CDK8: variants seen among roughly 807,000 people sequenced by gnomAD.
CDK8 encodes the protein cyclin-dependent kinase 8.
A neutral mutation model predicts 71.5 loss-of-function variants in CDK8; 29 were observed. The observed-to-expected ratio is 0.41, with a 90% CI of 0.30 to 0.55. CDK8 has a LOEUF of 0.55. CDK8 is among the 20% of genes least tolerant of loss of function. CDK8 has a pLI of 0.37. For synonymous variants in CDK8, 161 were observed against 192.1 expected, an observed-to-expected ratio of 0.84 and a Z score of 1.34; for missense variants, 288 against 572.6, an observed-to-expected ratio of 0.50 and a Z score of 5.07.
At chr13:26,397,886 A>C (rs992087364) in intron 9 of CDK8, among the ~76,000 whole-genome samples, 8 of 152,136 alleles carry the variant, frequency 5.3e-5, no homozygotes, top group Non-Finnish European at 1.0e-4. Context: ...TTTTTGTTTT[A>C]GAAAAAGGTT....
chr13:26,262,862 A>G (rs1025855712), intron 1 of CDK8, among the ~76,000 whole-genome samples: 4 of 152,218 alleles, frequency 2.6e-5, no homozygotes, highest in African/African-American at 9.7e-5. Flanking sequence ...ACTAACTTCT[A>G]TTCAAGGTAA....
At chr13:26,294,967 C>A (rs1305535034) in intron 1 of CDK8, among the ~76,000 whole-genome samples, 1 of 152,116 alleles carries the variant, frequency 6.6e-6, no homozygotes, top group Non-Finnish European at 1.5e-5. Flanking sequence ...CCAGGATGAT[C>A]TCGATCCCTT....
chr13:26,394,024 G>A (rs1875874503), intron 7 of CDK8, among the ~76,000 whole-genome samples: 1 of 152,140 alleles, frequency 6.6e-6, no homozygotes, highest in Non-Finnish European at 1.5e-5. Flanking sequence ...GAGAGTCATA[G>A]TACCCTATGG....
intron 1 of CDK8, among the ~76,000 whole-genome samples, chr13:26,261,480 GC>G (rs567039873): frequency 1.0e-3 from 159 of 152,172 alleles, no homozygotes; most frequent in African/African-American, 3.6e-3. Flanking sequence ...TCTCTCCCCA[GC>G]CGTTGACAAG....
Position 26,404,100 on chromosome 13 carries a change from C to A in CDK8, c.*19C>A. 1.2e-6 allele frequency: 2 copies of A among 1,613,122 alleles called. No homozygotes were observed. The highest frequency in any genetic ancestry group is 1.1e-5 in the South Asian group (1 of 90,974). ...GTACTGAGCTGCATCGGAATCTTGTCCATGCACTGTTGCGAATGCTGCAGG... is the reference window on the plus strand; with the variant it reads ...GTACTGAGCTGCATCGGAATCTTGTACATGCACTGTTGCGAATGCTGCAGG... On this transcript the variant is annotated 3_prime_UTR_variant, in exon 13 of 13. Coordinates refer to ENST00000381527, the MANE Select transcript of CDK8 (RefSeq NM_001260.3).
At chr13:26,287,236 C>A (rs1873065647) in intron 1 of CDK8, among the ~76,000 whole-genome samples, 1 of 152,140 alleles carries the variant, frequency 6.6e-6, no homozygotes, top group Non-Finnish European at 1.5e-5. Flanking sequence ...AAATGGAGCC[C>A]ACTTAAATGC....
intron 1 of CDK8, among the ~76,000 whole-genome samples, chr13:26,307,290 C>T (rs1448123110): frequency 6.6e-6 from 1 of 152,030 alleles, no homozygotes; most frequent in Non-Finnish European, 1.5e-5. Context: ...TAGATTGGCT[C>T]TACATAATCA....
At chr13:26,349,803 A>G (rs1873612342) in intron 3 of CDK8, among the ~76,000 whole-genome samples, 1 of 152,218 alleles carries the variant, frequency 6.6e-6, no homozygotes, top group African/African-American at 2.4e-5. Flanking sequence ...ACTATTCACA[A>G]TTGAATTTAA....
At chr13:26,315,904 C>A (rs7982229) in intron 1 of CDK8, among the ~76,000 whole-genome samples, 61,888 of 151,982 alleles carry the variant, frequency 0.41, 14,305 homozygotes, top group Non-Finnish European at 0.52. Context: ...TCCTGTGTAA[C>A]ATATATTTTG....
At chr13:26,313,651 A>G (rs1332897511) in intron 1 of CDK8, among the ~76,000 whole-genome samples, 1 of 152,194 alleles carries the variant, frequency 6.6e-6, no homozygotes, top group Non-Finnish European at 1.5e-5. Context: ...TCCAAAGTGT[A>G]TGTTAATAGT....
At chr13:26,381,889 A>G (rs945302815) in intron 4 of CDK8, among the ~76,000 whole-genome samples, 2 of 152,194 alleles carry the variant, frequency 1.3e-5, no homozygotes, top group African/African-American at 4.8e-5. Context: ...TTACCACTAT[A>G]AACAGGCTTC....
Position 26,322,875 on chromosome 13 carries a change from G to A in CDK8, c.129-14692G>A, listed in dbSNP as rs144398507. On this transcript the variant is annotated intron_variant, in intron 1 of 12. Coordinates refer to ENST00000381527, the MANE Select transcript of CDK8 (RefSeq NM_001260.3). ...TATGTAATTCAACTGAAATTTTGTCGATTTTATATATCTTTGGCATTTGCC... is the reference window on the plus strand; with the variant it reads ...TATGTAATTCAACTGAAATTTTGTCAATTTTATATATCTTTGGCATTTGCC... Among the ~76,000 whole-genome samples the A allele has an allele frequency of 2.2e-4, 33 of 152,130 alleles. No individual in the cohort carries two copies. The East Asian group carries it at 4.3e-3, about 20-fold the overall frequency.
intron 1 of CDK8, among the ~76,000 whole-genome samples, chr13:26,336,895 G>C (rs1448876265): frequency 1.3e-5 from 2 of 152,094 alleles, no homozygotes; most frequent in Non-Finnish European, 2.9e-5. Context: ...AGTCCCCTTT[G>C]AGTAACCTTT....
chr13:26,306,642 T>TC (rs1874057381), intron 1 of CDK8, among the ~76,000 whole-genome samples: 2 of 140,648 alleles, frequency 1.4e-5, no homozygotes, highest in East Asian at 2.0e-4. Context: ...TTTTTTTTTT[T>TC]CCTTGAGATG....
At chr13:26,397,128 CT>C (rs1183730968) in intron 8 of CDK8, 24 bp from the exon 9 acceptor site, 4 of 1,342,954 alleles carry the variant, frequency 3.0e-6, no homozygotes, top group Non-Finnish European at 4.3e-6. Flanking sequence ...TCTAATATAG[CT>C]ATTTCATAGT....
At chr13:26,399,234 T>C (rs951934173) in intron 9 of CDK8, among the ~76,000 whole-genome samples, 1 of 152,126 alleles carries the variant, frequency 6.6e-6, no homozygotes, top group Non-Finnish European at 1.5e-5. Context: ...GGTCTCGAAC[T>C]CCTGACCTCA....
chr13:26,389,952 CACGCT>C lies in CDK8; in HGVS notation c.647-3412_647-3408del, dbSNP rs545504631. 4.3e-3 allele frequency among the ~76,000 whole-genome samples: 659 copies of C among 152,206 alleles called. 3 individuals are homozygous for C. The highest frequency in any genetic ancestry group is 0.015 in the African/African-American group (603 of 41,558). ...GGCGGAGGTTGCAGTGAGCAGAGATCACGCTACTGCACTTCAGCCTGGGTGGCAGA... is the reference window on the plus strand; with the variant it reads ...GGCGGAGGTTGCAGTGAGCAGAGATCACTGCACTTCAGCCTGGGTGGCAGA... On this transcript the variant is annotated intron_variant, in intron 6 of 12. Coordinates refer to ENST00000381527, the MANE Select transcript of CDK8 (RefSeq NM_001260.3).
chr13:26,309,241 G>A (rs1352253521), intron 1 of CDK8, among the ~76,000 whole-genome samples: 2 of 151,456 alleles, frequency 1.3e-5, no homozygotes, highest in African/African-American at 2.4e-5. Context: ...CCAGGTTCAC[G>A]CCATTCTCCT....
intron 1 of CDK8, among the ~76,000 whole-genome samples, chr13:26,303,039 T>C (rs910421630): frequency 1.3e-5 from 2 of 152,140 alleles, no homozygotes; most frequent in African/African-American, 4.8e-5. Flanking sequence ...TGTTGGTCCT[T>C]TTTATTTTAT....
Sources: allele counts gnomAD v4.1 joint callset (sites outside exome capture counted in the v4.1 genomes callset), GRCh38; gene constraint gnomAD v4.1.1; transcripts MANE v1.5; gene names NCBI Gene and HGNC (gene_info 2026-07-23, HGNC 2026-07-21).